Variants in RNF150 observed in about 807,000 individuals in gnomAD.
The protein encoded by RNF150 is ring finger protein 150.
A neutral mutation model predicts 39.3 loss-of-function variants in RNF150; 24 were observed. The ratio of observed to expected loss-of-function variants is 0.61; its 90% CI spans 0.44 to 0.86. The LOEUF (loss-of-function observed/expected upper bound fraction) is 0.86. RNF150 is among the 40% of genes least tolerant of loss of function. The pLI, the probability that RNF150 is intolerant of heterozygous loss-of-function variation, is 0.00. For missense variants in RNF150, 502 were observed against 587.8 expected, an observed-to-expected ratio of 0.85 and a Z score of 1.51; for synonymous variants, 255 against 227.3, an observed-to-expected ratio of 1.12 and a Z score of -1.10.
chr4:140,952,798 T>C (rs528378291), intron 2 of RNF150, among the ~76,000 whole-genome samples: 4 of 152,268 alleles, frequency 2.6e-5, no homozygotes, highest in African/African-American at 9.6e-5. Context: ...GCAGAATTAA[T>C]AGATTGAGGG....
chr4:141,027,262 T>C (rs1343939262), intron 1 of RNF150, among the ~76,000 whole-genome samples: 1 of 152,222 alleles, frequency 6.6e-6, no homozygotes, highest in African/African-American at 2.4e-5. Context: ...GAATAGAGTA[T>C]GTTCATAAGT....
At chr4:141,192,481 G>A (rs1344980491) in intron 1 of RNF150, among the ~76,000 whole-genome samples, 1 of 152,154 alleles carries the variant, frequency 6.6e-6, no homozygotes, top group Non-Finnish European at 1.5e-5. Flanking sequence ...GTGTTTTGAA[G>A]GAAAACAGCT....
At chr4:141,044,590 C>T (rs1736493785) in intron 1 of RNF150, among the ~76,000 whole-genome samples, 1 of 152,102 alleles carries the variant, frequency 6.6e-6, no homozygotes, top group African/African-American at 2.4e-5. Context: ...AGGAAAAAAC[C>T]TTGTCTTGGA....
chr4:140,951,313 A>G (rs1253440906), intron 2 of RNF150, among the ~76,000 whole-genome samples: 1 of 152,158 alleles, frequency 6.6e-6, no homozygotes, highest in Non-Finnish European at 1.5e-5. Flanking sequence ...GCATATATTA[A>G]TAAAGCTGCC....
chr4:140,940,585 C>T (rs185489989), intron 4 of RNF150, among the ~76,000 whole-genome samples: 2 of 152,258 alleles, frequency 1.3e-5, no homozygotes, highest in East Asian at 1.9e-4. Context: ...TGGTCAAGAC[C>T]CTTCTGATCA....
intron 2 of RNF150, among the ~76,000 whole-genome samples, chr4:140,962,566 C>A (rs111462754): frequency 3.1e-4 from 47 of 151,978 alleles, no homozygotes; most frequent in African/African-American, 1.1e-3. Context: ...TTCTACATCT[C>A]ATTTTCATTG....
intron 6 of RNF150, among the ~76,000 whole-genome samples, chr4:140,910,704 A>AGT (rs971137973): frequency 0.046 from 1,630 of 35,292 alleles, 26 homozygotes; most frequent in African/African-American, 0.1. Flanking sequence ...TCGGGGCTCC[A>AGT]GTGTGTGTGT....
intron 5 of RNF150, among the ~76,000 whole-genome samples, chr4:140,923,772 C>G (rs958794882): frequency 1.3e-5 from 2 of 152,080 alleles, no homozygotes; most frequent in African/African-American, 2.4e-5. Context: ...ACATATACAC[C>G]ATGGAATACT....
At chr4:140,995,152 T>C (rs561950648) in intron 1 of RNF150, among the ~76,000 whole-genome samples, 3 of 152,340 alleles carry the variant, frequency 2.0e-5, no homozygotes, top group Non-Finnish European at 2.9e-5. Context: ...TTCCAGCCTC[T>C]GGTAACCATC....
In RNF150 at chr4:141,132,506, G is replaced by A. The variant is rs760938767; in HGVS notation, c.303C>T (p.Ala101=). Residue 101 remains alanine (A), a synonymous_variant, in exon 1 of 7, where the codon GCC becomes GCT. Coordinates refer to ENST00000515673, the MANE Select transcript of RNF150 (RefSeq NM_020724.2). The surrounding 1 kb of genome is among the most constrained non-coding windows in gnomAD (Gnocchi z 4.9). The part of the protein sequence containing the change: ...VMASSAHDRL[A]CDPNTKFAAP... ...CGGCGAACTTGGTGTTGGGGTCGCA[G>A]GCCAGGCGGTCGTGGGCCGAGCTGG... The A allele has an allele frequency of 2.6e-4, 415 of 1,605,350 alleles. No individual in the cohort carries two copies. Among genetic ancestry groups the A allele is most frequent in the Non-Finnish European group, 3.4e-4 (398 of 1,176,944 alleles).
At chr4:141,148,091 T>C (rs1254552751) in intron 1 of RNF150, among the ~76,000 whole-genome samples, 1 of 152,196 alleles carries the variant, frequency 6.6e-6, no homozygotes, top group East Asian at 1.9e-4. Flanking sequence ...TTATTTAAAT[T>C]ACTAATAAAA....
chr4:141,179,805 TC>T (rs1727875298), intron 1 of RNF150, among the ~76,000 whole-genome samples: 1 of 152,138 alleles, frequency 6.6e-6, no homozygotes, highest in Non-Finnish European at 1.5e-5. Flanking sequence ...GAAGATCTCC[TC>T]TTAGTATGAC....
At chr4:141,031,889 A>G (rs1735959672) in intron 1 of RNF150, among the ~76,000 whole-genome samples, 2 of 152,084 alleles carry the variant, frequency 1.3e-5, no homozygotes, top group Non-Finnish European at 2.9e-5. Flanking sequence ...TTTGATACAT[A>G]TGCAGAGGAA....
intron 2 of RNF150, among the ~76,000 whole-genome samples, chr4:140,952,261 C>T (rs1732570052): frequency 6.6e-6 from 1 of 152,146 alleles, no homozygotes. Flanking sequence ...ATCTGCCCAC[C>T]TCATCCTCCC....
intron 6 of RNF150, among the ~76,000 whole-genome samples, chr4:140,904,890 T>C (rs1730319042): frequency 1.3e-5 from 2 of 152,196 alleles, no homozygotes; most frequent in South Asian, 4.1e-4. Flanking sequence ...ACCTCCAACT[T>C]AAAAAATATA....
intron 2 of RNF150, among the ~76,000 whole-genome samples, chr4:140,962,819 T>C (rs1289325715): frequency 6.6e-6 from 1 of 151,968 alleles, no homozygotes. Flanking sequence ...AAACAATGAA[T>C]AAAGAAATTA....
Position 140,892,178 on chromosome 4 carries a change from T to TTGA in RNF150, c.1198+18963_1198+18965dup, listed in dbSNP as rs528730682. 3.4e-3 allele frequency among the ~76,000 whole-genome samples: 516 copies of TTGA among 152,304 alleles called. 8 individuals are homozygous for TTGA. The highest frequency in any genetic ancestry group is 0.012 in the African/African-American group (484 of 41,568). On this transcript the variant is annotated intron_variant, in intron 6 of 6. Coordinates refer to ENST00000515673, the MANE Select transcript of RNF150 (RefSeq NM_020724.2). ...TGAGATTTTTTTGTCCTGAATATTT[T>TTGA]TGATATGCAGTTGGATGGAGGGACA... is the stretch of plus-strand genomic sequence containing the variant.
At chr4:140,958,528 T>A (rs554280911) in intron 2 of RNF150, among the ~76,000 whole-genome samples, 43 of 152,294 alleles carry the variant, frequency 2.8e-4, no homozygotes, top group African/African-American at 1.0e-3. Context: ...CATTTTATAT[T>A]TCTCTCTCCC....
intron 1 of RNF150, among the ~76,000 whole-genome samples, chr4:140,976,266 C>A (rs1006230850): frequency 6.6e-6 from 1 of 152,136 alleles, no homozygotes; most frequent in Admixed American, 6.6e-5. Context: ...CCTTCAAAAG[C>A]CACTCATCTT....
Sources: allele counts gnomAD v4.1 joint callset (sites outside exome capture counted in the v4.1 genomes callset), GRCh38; gene constraint gnomAD v4.1.1; non-coding constraint Gnocchi (gnomAD v3.1); transcripts MANE v1.5; gene names NCBI Gene and HGNC (gene_info 2026-07-23, HGNC 2026-07-21).